Variants in LRRC58 observed in about 807,000 individuals in gnomAD.
LRRC58 encodes leucine-rich repeat-containing protein 58.
LRRC58 carries 18 observed loss-of-function variants against 30.6 expected under a neutral mutation model. The observed-to-expected ratio is 0.59, with a 90% CI of 0.41 to 0.87. The LOEUF (loss-of-function observed/expected upper bound fraction) is 0.87, where lower values mean the gene tolerates loss of function less well. LRRC58 is among the 40% of genes least tolerant of loss of function. The probability of loss-of-function intolerance (pLI) is 0.00; values close to 1 mark genes in which losing one functional copy is unlikely to be tolerated. For missense variants in LRRC58, 420 were observed against 468.4 expected (o/e 0.90, Z 0.95); for synonymous variants, 221 against 206.0 (o/e 1.07, Z -0.62).
chr3:120,335,214 T>A, intron 2 of LRRC58, 75 bp from the exon 3 acceptor site: 1 of 1,285,036 alleles, frequency 7.8e-7, no homozygotes, highest in Non-Finnish European at 1.1e-6. Context: ...TATGTGTGTA[T>A]ACAGAACTTG....
intron 1 of LRRC58, among the ~76,000 whole-genome samples, chr3:120,343,143 A>G (rs1935924847): frequency 6.6e-6 from 1 of 152,228 alleles, no homozygotes; most frequent in Admixed American, 6.5e-5. Flanking sequence ...AAATATAACT[A>G]AGGCCATGAT....
At position 120,328,345 on chromosome 3, in the gene LRRC58, A is replaced by G. The variant is rs1935709849; in HGVS notation, c.*2855T>C. ...GATGCTGAGAGAATTGATTCTAGGG[A>G]TAAAGACTACTAAGAATGCACAATG... On this transcript the variant is annotated 3_prime_UTR_variant, in exon 4 of 4. Coordinates refer to ENST00000295628, the MANE Select transcript of LRRC58 (RefSeq NM_001099678.2). The G allele has an allele frequency of 6.6e-6, 1 of 152,174 alleles. No individual in the cohort carries two copies. Among genetic ancestry groups the G allele is most frequent in the Admixed American group, 6.5e-5 (1 of 15,268 alleles). 9.4% of individuals were successfully genotyped at this position (152,174 alleles called of 1,614,324 possible).
chr3:120,334,214 T>C (rs1271917749), intron 3 of LRRC58, among the ~76,000 whole-genome samples: 3 of 152,038 alleles, frequency 2.0e-5, no homozygotes, highest in African/African-American at 4.8e-5. Flanking sequence ...CAAATAAATA[T>C]AAAAGGTGGG....
At position 120,335,890 on chromosome 3, in the gene LRRC58, C is replaced by A. The variant is rs746114226; in HGVS notation, c.564G>T (p.Leu188=). ...IKEIPPELGN[L]PSLNYLVLCD... is the part of the protein sequence containing the mutation. ...ATAATACCAAATAATTCAGAGAAGG[C>A]AGATTTCCTAATTCTGGTGGGATTT... is the stretch of plus-strand genomic sequence containing the variant. Residue 188 remains leucine (L), a synonymous_variant, in exon 2 of 4, where the codon CTG becomes CTT. Transcript: ENST00000295628. 23 of 1,600,980 alleles carry A rather than the reference C, an allele frequency of 1.4e-5. No individual in the cohort carries two copies. Among genetic ancestry groups the A allele is most frequent in the Non-Finnish European group, 1.9e-5 (22 of 1,168,498 alleles).
rs901708760 is a variant in LRRC58, at chr3:120,330,654, G to A, written c.*546C>T. On this transcript the variant is annotated 3_prime_UTR_variant, in exon 4 of 4. Coordinates refer to ENST00000295628, the MANE Select transcript of LRRC58 (RefSeq NM_001099678.2). ...AGTTTGTCAGAAAGGTTTGTCCCAT[G>A]TAACCATCTGTGAGCTTCTTTGAAT... The A allele has an allele frequency of 6.6e-6, 1 of 152,546 alleles. No individual in the cohort carries two copies. Among genetic ancestry groups the A allele is most frequent in the South Asian group, 2.1e-4 (1 of 4,840 alleles). 9.4% of individuals were successfully genotyped at this position (152,546 alleles called of 1,614,324 possible). A position where few individuals can be genotyped will look rare whatever the true frequency, so the allele number is the denominator to read the frequency against.
Position 120,338,131 on chromosome 3 carries a change from C to T in LRRC58, c.501-2178G>A, listed in dbSNP as rs894039168. On this transcript the variant is annotated intron_variant, in intron 1 of 3. Transcript: ENST00000295628. ...GTGCTGGGATTACGGGCGTGAGCCA[C>T]GGTGCCTGGCCTCTATTTTTTATTT... 5.9e-5 allele frequency among the ~76,000 whole-genome samples: 9 copies of T among 152,292 alleles called. No individual in the cohort carries two copies. In the South Asian group the frequency reaches 8.3e-4, roughly 14 times the overall value.
chr3:120,348,188 G>A (rs926015932), intron 1 of LRRC58, among the ~76,000 whole-genome samples: 2 of 152,188 alleles, frequency 1.3e-5, no homozygotes, highest in Non-Finnish European at 2.9e-5. Flanking sequence ...GTGTACAGAG[G>A]CACTGCATCC....
chr3:120,337,386 G>C (rs1935848942), intron 1 of LRRC58, among the ~76,000 whole-genome samples: 1 of 152,066 alleles, frequency 6.6e-6, no homozygotes, highest in Non-Finnish European at 1.5e-5. Flanking sequence ...GTGAAGTTTA[G>C]CATCTTTTTA....
chr3:120,338,372 T>C (rs1295126525), intron 1 of LRRC58, among the ~76,000 whole-genome samples: 1 of 152,238 alleles, frequency 6.6e-6, no homozygotes, highest in African/African-American at 2.4e-5. Context: ...AACTAACACC[T>C]ACAATGTGCC....
rs1486322966 is a variant in LRRC58, at chr3:120,349,113, T to C, written c.131A>G (p.Glu44Gly). 4 of 1,509,166 alleles carry C rather than the reference T, an allele frequency of 2.7e-6. No individual in the cohort carries two copies. Among genetic ancestry groups the C allele is most frequent in the South Asian group, 2.5e-5 (2 of 81,056 alleles). 93.5% of individuals were successfully genotyped at this position (1,509,166 alleles called of 1,614,324 possible). ...ARGEERRGAR[E>G]ALLRLLLPHN... ...AGGCAGCAGCAGCCGCAGCAGCGCCTCCCGCGCCCCGCGCCGCTCCTCCCC... is the reference window on the plus strand; with the variant it reads ...AGGCAGCAGCAGCCGCAGCAGCGCCCCCCGCGCCCCGCGCCGCTCCTCCCC... The change falls in exon 1 of 4, where the codon GAG (glutamate) becomes GGG (glycine). Residue 44 changes from glutamate (E) to glycine (G), a missense_variant. Around this residue, in one of 2 missense-constraint regions of LRRC58, gnomAD observed 266 missense variants for 251.7 expected, o/e 1.06. Transcript: ENST00000295628.
intron 3 of LRRC58, among the ~76,000 whole-genome samples, chr3:120,333,092 A>C (rs1315786319): frequency 1.3e-5 from 1 of 75,232 alleles, no homozygotes; most frequent in East Asian, 2.5e-4. Flanking sequence ...ACTCCGTCTC[A>C]AAAAAAAAAA....
intron 1 of LRRC58, among the ~76,000 whole-genome samples, chr3:120,346,509 T>G (rs1935970605): frequency 6.6e-6 from 1 of 152,132 alleles, no homozygotes; most frequent in Non-Finnish European, 1.5e-5. Flanking sequence ...TTGTGAGTAT[T>G]AAAAAGCATA....
chr3:120,346,778 T>C (rs1475946106), intron 1 of LRRC58, among the ~76,000 whole-genome samples: 1 of 152,170 alleles, frequency 6.6e-6, no homozygotes, highest in Non-Finnish European at 1.5e-5. Context: ...TACCATCATC[T>C]CTCATCCTAT....
At chr3:120,344,298 C>G (rs530156577) in intron 1 of LRRC58, among the ~76,000 whole-genome samples, 2 of 152,250 alleles carry the variant, frequency 1.3e-5, no homozygotes, top group East Asian at 3.9e-4. Flanking sequence ...TTATAAGGTA[C>G]CTATATGTTC....
At chr3:120,346,930 C>T (rs1036533581) in intron 1 of LRRC58, among the ~76,000 whole-genome samples, 5 of 152,214 alleles carry the variant, frequency 3.3e-5, no homozygotes, top group Non-Finnish European at 7.3e-5. Context: ...TCATAGCCTT[C>T]AAGACCTGAC....
chr3:120,340,615 C>A (rs1013023993), intron 1 of LRRC58, among the ~76,000 whole-genome samples: 3 of 152,070 alleles, frequency 2.0e-5, no homozygotes, highest in Non-Finnish European at 2.9e-5. Flanking sequence ...GGGGCTCACA[C>A]CTAATCCCAG....
chr3:120,342,276 T>C (rs1010804820), intron 1 of LRRC58, among the ~76,000 whole-genome samples: 14 of 152,140 alleles, frequency 9.2e-5, no homozygotes, highest in Non-Finnish European at 2.9e-5. Flanking sequence ...GGACTCCTGG[T>C]GCCTCTCCCC....
intron 1 of LRRC58, 111 bp from the exon 2 acceptor site, chr3:120,336,064 T>G: frequency 1.3e-6 from 1 of 786,124 alleles, no homozygotes; most frequent in East Asian, 2.7e-5. Context: ...AATGTTTTAC[T>G]TAAGATTTGC....
chr3:120,339,193 GT>G (rs1296293557), intron 1 of LRRC58, among the ~76,000 whole-genome samples: 1 of 151,936 alleles, frequency 6.6e-6, no homozygotes, highest in Non-Finnish European at 1.5e-5. Flanking sequence ...TACTTCTACT[GT>G]TTTGAACTGT....
Sources: gnomAD v4.1 joint callset for allele counts (sites outside exome capture counted in the v4.1 genomes callset) on GRCh38, gnomAD v4.1.1 for gene constraint, gnomAD v4.1.1 regional missense constraint, MANE v1.5 for transcripts, NCBI Gene and HGNC (gene_info 2026-07-23, HGNC 2026-07-21) for gene names.